The following S100Z variants were observed in gnomAD, a reference collection of about 807,000 sequenced individuals.
The protein encoded by S100Z is S100 calcium binding protein Z.
S100Z carries 11 observed loss-of-function variants against 8.5 expected under a neutral mutation model. The observed-to-expected ratio is 1.30, with a 90% CI of 0.82 to 2.15. The LOEUF (loss-of-function observed/expected upper bound fraction) is 2.15. Ranked by LOEUF, S100Z falls within the 30% of genes most tolerant of loss-of-function variation. The pLI, the probability that S100Z is intolerant of heterozygous loss-of-function variation, is 0.00. For synonymous variants in S100Z, 34 were observed against 43.8 expected (o/e 0.78, Z 0.89); for missense variants, 126 against 117.9 (o/e 1.07, Z -0.32).
At chr5:76,920,523 C>T (rs894348724) in intron 4 of S100Z, among the ~76,000 whole-genome samples, 194 bp from the exon 5 acceptor site, 2 of 152,228 alleles carry the variant, frequency 1.3e-5, no homozygotes, top group African/African-American at 4.8e-5. Context: ...TGCCCACCTT[C>T]CACAAGAAGC....
At chr5:76,855,853 A>G (rs1750866561) in intron 1 of S100Z, among the ~76,000 whole-genome samples, 1 of 152,150 alleles carries the variant, frequency 6.6e-6, no homozygotes, top group South Asian at 2.1e-4. Context: ...TGTCCCCATC[A>G]AATCTCATGT....
At chr5:76,858,838 G>A (rs1424848927) in intron 1 of S100Z, among the ~76,000 whole-genome samples, 1 of 151,984 alleles carries the variant, frequency 6.6e-6, no homozygotes, top group Non-Finnish European at 1.5e-5. Flanking sequence ...AGGCCCTGCT[G>A]GATGGCTCAG....
At chr5:76,919,897 C>T (rs1490213351) in intron 4 of S100Z, among the ~76,000 whole-genome samples, 1 of 150,294 alleles carries the variant, frequency 6.7e-6, no homozygotes, top group Non-Finnish European at 1.5e-5. Flanking sequence ...AACCACCATG[C>T]CCAGCTTTCA....
intron 4 of S100Z, among the ~76,000 whole-genome samples, chr5:76,879,322 C>T (rs181775783): frequency 6.6e-6 from 1 of 152,164 alleles, no homozygotes; most frequent in Non-Finnish European, 1.5e-5. Flanking sequence ...GCCTTGCTTG[C>T]CTGCTTCTGG....
intron 1 of S100Z, among the ~76,000 whole-genome samples, chr5:76,852,141 G>A (rs983484826): frequency 2.0e-5 from 3 of 151,806 alleles, no homozygotes; most frequent in Non-Finnish European, 4.4e-5. Context: ...AAGCAGTCTC[G>A]CCTTCTTGGG....
intron 4 of S100Z, among the ~76,000 whole-genome samples, chr5:76,916,407 T>C (rs1209118424): frequency 1.3e-5 from 2 of 151,562 alleles, no homozygotes; most frequent in African/African-American, 4.8e-5. Flanking sequence ...AGCAAGGACA[T>C]AGAAGAAATA....
In S100Z at chr5:76,877,743, G is replaced by A. The variant is rs779163096; in HGVS notation, c.211G>A (p.Asp71Asn). ...DLDANKDNEV[D>N]FNEFVVMVAA... Reference sequence around the variant, plus strand: ...GGATGCCAATAAGGACAACGAAGTGGATTTTAATGAATTCGTGGTCATGGT... The same window carrying A: ...GGATGCCAATAAGGACAACGAAGTGAATTTTAATGAATTCGTGGTCATGGT... Residue 71 changes from aspartate to asparagine, a missense_variant, in exon 4 of 5, where the codon GAT (aspartate) becomes AAT (asparagine). By Grantham distance (23) the Asp-to-Asn change is conservative (BLOSUM62 1). Coordinates refer to ENST00000317593, the MANE Select transcript of S100Z (RefSeq NM_130772.4). The A allele has an allele frequency of 6.2e-7, 1 of 1,610,882 alleles. No individual in the cohort carries two copies. Among genetic ancestry groups the A allele is most frequent in the East Asian group, 2.2e-5 (1 of 44,860 alleles).
At chr5:76,855,875 C>T (rs1561220621) in intron 1 of S100Z, among the ~76,000 whole-genome samples, 1 of 152,114 alleles carries the variant, frequency 6.6e-6, no homozygotes, top group Non-Finnish European at 1.5e-5. Context: ...GAATTGTAAT[C>T]CCCACCATTG....
intron 1 of S100Z, among the ~76,000 whole-genome samples, chr5:76,853,955 G>A (rs187455263): frequency 6.6e-6 from 1 of 152,166 alleles, no homozygotes; most frequent in East Asian, 1.9e-4. Context: ...AGATCTGGTT[G>A]TTTGAAAGAT....
At chr5:76,951,823 G>A in the S100Z span, among the ~76,000 whole-genome samples, 1,829 of 152,236 alleles carry the variant, frequency 0.012, 17 homozygotes, top group Non-Finnish European at 0.017. Flanking sequence ...ACTGTGGCAC[G>A]AAGGCCTCCT....
At chr5:76,901,133 C>T (rs770362365) in intron 4 of S100Z, among the ~76,000 whole-genome samples, 133 of 151,674 alleles carry the variant, frequency 8.8e-4, no homozygotes, top group Non-Finnish European at 1.5e-3. Context: ...GTGACACAAG[C>T]ACTCCTGTGG....
chr5:76,924,645 C>G (rs140513782), downstream of S100Z, among the ~76,000 whole-genome samples: 344 of 152,242 alleles, frequency 2.3e-3, 1 homozygote, highest in African/African-American at 7.8e-3. Context: ...TGTGGTGGCT[C>G]AAGCCTGTAA....
At chr5:76,947,678 T>C in the S100Z span, among the ~76,000 whole-genome samples, 49 of 152,098 alleles carry the variant, frequency 3.2e-4, no homozygotes, top group Non-Finnish European at 6.6e-4. Flanking sequence ...TATAGACCAA[T>C]TGAGCAGAAC....
chr5:76,925,433 C>T (rs973678484), downstream of S100Z, among the ~76,000 whole-genome samples: 1 of 152,180 alleles, frequency 6.6e-6, no homozygotes, highest in Admixed American at 6.5e-5. Flanking sequence ...AGGTCTCACA[C>T]TCAGTCCTCT....
At chr5:76,872,174 G>A (rs1743034502) in intron 2 of S100Z, among the ~76,000 whole-genome samples, 2 of 152,278 alleles carry the variant, frequency 1.3e-5, no homozygotes, top group South Asian at 4.1e-4. Flanking sequence ...TTGAGCCTGG[G>A]AGTTCGAGGC....
downstream of S100Z, among the ~76,000 whole-genome samples, chr5:76,922,744 T>G (rs191795203): frequency 1.3e-5 from 2 of 152,184 alleles, no homozygotes; most frequent in South Asian, 4.2e-4. Context: ...AGGATGGTCT[T>G]GATCTCCTGA....
intron 1 of S100Z, among the ~76,000 whole-genome samples, chr5:76,862,955 C>T (rs552333775): frequency 4.6e-5 from 7 of 152,278 alleles, no homozygotes; most frequent in South Asian, 2.1e-4. Flanking sequence ...TTTTGTCTTT[C>T]GTTGCTTCTT....
At chr5:76,855,362 G>GCCAGCCTGTGAAAACAGATGCTGTAC (rs1561220379) in intron 1 of S100Z, among the ~76,000 whole-genome samples, 2 of 152,172 alleles carry the variant, frequency 1.3e-5, no homozygotes, top group Non-Finnish European at 2.9e-5. Flanking sequence ...GAAAACAGAT[G>GCCAGCCTGTGAAAACAGATGCTGTAC]CCAGCCTGTG....
intron 3 of S100Z, 28 bp from the exon 4 acceptor site, chr5:76,877,646 G>T: frequency 6.8e-7 from 1 of 1,474,698 alleles, no homozygotes; most frequent in Non-Finnish European, 9.4e-7. Context: ...CAGAGCCAGG[G>T]AGTTAGAAAT....
Sources: allele counts gnomAD v4.1 joint callset (sites outside exome capture counted in the v4.1 genomes callset), GRCh38; gene constraint gnomAD v4.1.1; transcripts MANE v1.5; gene names NCBI Gene and HGNC (gene_info 2026-07-23, HGNC 2026-07-21).